The following RBM25 variants were observed in gnomAD, a reference collection of about 807,000 sequenced individuals.
The protein encoded by RBM25 is RNA binding motif protein 25, also known as RNA-binding protein 25.
Under a neutral mutation model 120.7 loss-of-function variants are expected in RBM25, and 19 were observed. That is an observed-to-expected ratio of 0.16 (90% CI 0.11 to 0.23). The LOEUF is 0.23. RBM25 is among the 10% of genes least tolerant of loss of function. The pLI, the probability that RBM25 is intolerant of heterozygous loss-of-function variation, is 1.00. For synonymous variants in RBM25, 390 were observed against 326.7 expected, an observed-to-expected ratio of 1.19 and a Z score of -2.09; for missense variants, 605 against 1,041.5, an observed-to-expected ratio of 0.58 and a Z score of 5.77.
intron 9 of RBM25, chr14:73,101,370 A>G (rs748750915): frequency 6.6e-6 from 1 of 152,160 alleles, no homozygotes; most frequent in Non-Finnish European, 1.5e-5. Flanking sequence ...AGAATAAGGT[A>G]AGATTTATGA....
intron 9 of RBM25, chr14:73,101,117 T>C (rs924384665): frequency 1.3e-5 from 2 of 152,184 alleles, no homozygotes; most frequent in African/African-American, 4.8e-5. Context: ...ATTATTTCAC[T>C]GGAGGGAATG....
At chr14:73,069,787 G>T (rs2140425574) in intron 1 of RBM25, 2 of 78,704 alleles carry the variant, frequency 2.5e-5, no homozygotes, top group African/African-American at 4.2e-5. Flanking sequence ...AAAGTGTGTT[G>T]CTGAAAATAA....
rs745839684 is a variant in RBM25, at chr14:73,106,186, A to C, written c.1378-10A>C. The C allele has an allele frequency of 5.1e-6, 8 of 1,579,664 alleles. No homozygotes were observed. The highest frequency in any genetic ancestry group is 6.0e-6 in the Non-Finnish European group (7 of 1,169,218). ...AAATTTTTAAAGCTTTGAAAATTTA[A>C]TTTTTTTAGCGCCTTAAGAATTGGG... On this transcript the variant is annotated splice_polypyrimidine_tract_variant and intron_variant, in intron 11 of 18. Transcript: ENST00000261973.
intron 1 of RBM25, among the ~76,000 whole-genome samples, chr14:73,071,187 A>G (rs1895280422): frequency 6.7e-6 from 1 of 149,148 alleles, no homozygotes; most frequent in Non-Finnish European, 1.5e-5. Flanking sequence ...GGTTGCAATG[A>G]GCAGAGATTG....
intron 18 of RBM25, among the ~76,000 whole-genome samples, chr14:73,114,650 A>G (rs1896384554): frequency 6.6e-6 from 1 of 152,166 alleles, no homozygotes; most frequent in Non-Finnish European, 1.5e-5. Flanking sequence ...TAATCCCAGT[A>G]CTTGGGAGGC....
intron 6 of RBM25, 87 bp from the exon 7 acceptor site, chr14:73,096,828 C>T: frequency 1.7e-6 from 2 of 1,162,246 alleles, no homozygotes. Context: ...TTTGAGAAAA[C>T]ATGTATGTTT....
intron 2 of RBM25, among the ~76,000 whole-genome samples, chr14:73,073,133 T>A (rs1895333677): frequency 6.6e-6 from 1 of 152,180 alleles, no homozygotes; most frequent in African/African-American, 2.4e-5. Flanking sequence ...CTCACCATCT[T>A]GTCCAGGCTG....
At position 73,112,259 on chromosome 14, in the gene RBM25, T is replaced by G. The variant is rs1566601530; in HGVS notation, c.2391+9T>G. 1.3e-6 allele frequency: 2 copies of G among 1,559,642 alleles called. No individual in the cohort carries two copies. The highest frequency in any genetic ancestry group is 1.7e-6 in the Non-Finnish European group (2 of 1,162,196). On this transcript the variant is annotated intron_variant, in intron 17 of 18. Transcript: ENST00000261973. Reference sequence around the variant, plus strand: ...ATTTTGTTTGTTCTAAGGTTAGTCTTCTATTCTCTTCCATGCCAGCATTTA... The same window carrying G: ...ATTTTGTTTGTTCTAAGGTTAGTCTGCTATTCTCTTCCATGCCAGCATTTA...
At chr14:73,089,145 G>T (rs1037056819) in intron 6 of RBM25, among the ~76,000 whole-genome samples, 1 of 151,836 alleles carries the variant, frequency 6.6e-6, no homozygotes, top group African/African-American at 2.4e-5. Flanking sequence ...CTGTCTCCCT[G>T]CTGCCAAAAA....
intron 18 of RBM25, among the ~76,000 whole-genome samples, chr14:73,117,421 G>A (rs2140468380): frequency 6.6e-6 from 1 of 151,410 alleles, no homozygotes; most frequent in South Asian, 2.1e-4. Flanking sequence ...TAGTATTGAC[G>A]GGTTTCACCA....
At chr14:73,073,482 G>A (rs942859548) in intron 2 of RBM25, among the ~76,000 whole-genome samples, 4 of 152,222 alleles carry the variant, frequency 2.6e-5, no homozygotes, top group African/African-American at 9.7e-5. Flanking sequence ...GAGTTCAGGA[G>A]TTAGAGACCA....
intron 4 of RBM25, 27 bp from the exon 5 acceptor site, chr14:73,083,467 A>G: frequency 6.6e-7 from 1 of 1,526,568 alleles, no homozygotes; most frequent in Non-Finnish European, 8.8e-7. Context: ...AATGGTAGCA[A>G]TCTGTTTGTT....
Position 73,094,508 on chromosome 14 carries a change from C to T in RBM25, c.544-2407C>T, listed in dbSNP as rs568992926. Among the ~76,000 whole-genome samples, 338 of 151,302 alleles carry T rather than the reference C, an allele frequency of 2.2e-3. 1 individual carries two copies. The highest frequency in any genetic ancestry group is 7.6e-3 in the African/African-American group (315 of 41,222). ...TGTCGCCCAGGCTGGAGTGCAGTGG[C>T]GTGATATTGGCTCACTGCAATCTCT... is the stretch of plus-strand genomic sequence containing the variant. On this transcript the variant is annotated intron_variant, in intron 6 of 18. Coordinates refer to ENST00000261973, the MANE Select transcript of RBM25 (RefSeq NM_021239.3).
At chr14:73,103,055 A>G (rs1405138191) in intron 9 of RBM25, 137 bp from the exon 10 acceptor site, 1 of 1,496,254 alleles carries the variant, frequency 6.7e-7, no homozygotes, top group Non-Finnish European at 8.9e-7. Context: ...TTAATTTGTC[A>G]CATAAAACCA....
chr14:73,119,268 TG>T (rs1354488928), intron 18 of RBM25, among the ~76,000 whole-genome samples: 7 of 152,122 alleles, frequency 4.6e-5, no homozygotes, highest in African/African-American at 1.2e-4. Flanking sequence ...AAAACTTTTT[TG>T]TTTTTTTTGT....
intron 8 of RBM25, 70 bp downstream of exon 8, chr14:73,099,503 A>G (rs1345494959): frequency 1.3e-6 from 2 of 1,586,264 alleles, no homozygotes; most frequent in Non-Finnish European, 8.6e-7. Flanking sequence ...ATTCTTGTCT[A>G]TCTGATTTTT....
chr14:73,068,219 A>G, intron 1 of RBM25: 1 of 860,826 alleles, frequency 1.2e-6, no homozygotes, highest in Non-Finnish European at 2.0e-6. Flanking sequence ...GTTTCCATTG[A>G]TACAGATGAG....
intron 1 of RBM25, among the ~76,000 whole-genome samples, chr14:73,067,022 C>T (rs1895152928): frequency 6.6e-6 from 1 of 150,798 alleles, no homozygotes; most frequent in Non-Finnish European, 1.5e-5. Context: ...CATTTATATG[C>T]TAGTTTTCAG....
chr14:73,079,715 T>C (rs1322220563), intron 4 of RBM25, among the ~76,000 whole-genome samples: 1 of 150,874 alleles, frequency 6.6e-6, no homozygotes, highest in Non-Finnish European at 1.5e-5. Flanking sequence ...AAGAAATTCC[T>C]GTTCTTTTAG....
Sources: allele counts gnomAD v4.1 joint callset (sites outside exome capture counted in the v4.1 genomes callset), GRCh38; gene constraint gnomAD v4.1.1; transcripts MANE v1.5; gene names NCBI Gene and HGNC (gene_info 2026-07-23, HGNC 2026-07-21).